Variants in WDR41 observed in about 807,000 individuals in gnomAD.
WDR41 encodes WD repeat-containing protein 41.
Under a neutral mutation model 69.3 loss-of-function variants are expected in WDR41, and 63 were observed. The ratio of observed to expected loss-of-function variants is 0.91; its 90% CI spans 0.74 to 1.12. The LOEUF (loss-of-function observed/expected upper bound fraction) is 1.12. WDR41 is among the 50% of genes most tolerant of loss of function. The probability of loss-of-function intolerance (pLI) is 0.00; values close to 1 mark genes in which losing one functional copy is unlikely to be tolerated. For synonymous variants in WDR41, 185 were observed against 192.1 expected (o/e 0.96, Z 0.31); for missense variants, 543 against 534.5 (o/e 1.02, Z -0.16).
chr5:77,442,675 G>A lies in WDR41; in HGVS notation c.698-1678C>T, dbSNP rs192607538. Among the ~76,000 whole-genome samples the A allele has an allele frequency of 4.5e-3, 685 of 151,874 alleles. 4 individuals carry two copies. Among genetic ancestry groups the A allele is most frequent in the South Asian group, 0.017 (82 of 4,824 alleles). On this transcript the variant is annotated intron_variant, in intron 8 of 12. Transcript: ENST00000296679. Reference sequence around the variant, plus strand: ...TGGGAGGCCGAGGCAGGTGGATCACGAGGTCTGGAGATCGAGACCATCCTG... The same window carrying A: ...TGGGAGGCCGAGGCAGGTGGATCACAAGGTCTGGAGATCGAGACCATCCTG...
intron 1 of WDR41, among the ~76,000 whole-genome samples, chr5:77,619,373 G>A (rs549752322): frequency 6.6e-6 from 1 of 152,088 alleles, no homozygotes; most frequent in Non-Finnish European, 1.5e-5. Flanking sequence ...AGAAACAAAA[G>A]TCCTGAATCT....
intron 1 of WDR41, among the ~76,000 whole-genome samples, chr5:77,544,078 A>C (rs999446590): frequency 6.6e-6 from 1 of 152,126 alleles, no homozygotes; most frequent in Non-Finnish European, 1.5e-5. Flanking sequence ...GAAAAGGTAC[A>C]GTCTTTCTCA....
intron 9 of WDR41, among the ~76,000 whole-genome samples, chr5:77,439,551 G>T (rs1446954921): frequency 1.3e-5 from 2 of 152,190 alleles, no homozygotes; most frequent in East Asian, 1.9e-4. Context: ...TCTGGGCACA[G>T]TTTAAGTAAT....
chr5:77,582,955 A>C (rs1381428538), intron 1 of WDR41: 3 of 1,608,588 alleles, frequency 1.9e-6, no homozygotes, highest in Non-Finnish European at 1.7e-6. Flanking sequence ...GATTCATGAG[A>C]TCTATACTGT....
At chr5:77,464,312 G>A (rs1181091576) in intron 3 of WDR41, among the ~76,000 whole-genome samples, 1 of 107,078 alleles carries the variant, frequency 9.3e-6, no homozygotes, top group African/African-American at 3.8e-5. Context: ...CAGTCTTGCT[G>A]TGTCACCCAG....
intron 1 of WDR41, among the ~76,000 whole-genome samples, chr5:77,568,871 C>T (rs938065303): frequency 9.2e-5 from 14 of 152,206 alleles, no homozygotes; most frequent in African/African-American, 1.9e-4. Flanking sequence ...CTACGTGTGC[C>T]GGATTTCTGT....
In WDR41 at chr5:77,486,822, T is replaced by C. The variant is rs1318228431; in HGVS notation, c.167+2635A>G. On this transcript the variant is annotated intron_variant, in intron 2 of 12. Coordinates refer to ENST00000296679, the MANE Select transcript of WDR41 (RefSeq NM_018268.4). ...CAGCTGAGCCTAGCCCGAATTGCCA[T>C]CCTGCAGAATAATGAGCTAAATAGA... is the stretch of plus-strand genomic sequence containing the variant. Among the ~76,000 whole-genome samples the C allele has an allele frequency of 1.1e-4, 16 of 152,200 alleles. 1 individual carries two copies. The highest frequency in any genetic ancestry group is 1.0e-3 in the Admixed American group (16 of 15,282).
intron 2 of WDR41, among the ~76,000 whole-genome samples, chr5:77,475,209 T>A (rs1360937906): frequency 2.0e-5 from 3 of 151,994 alleles, no homozygotes; most frequent in Admixed American, 2.0e-4. Context: ...CAGTCTGAGA[T>A]CAAACTGCAA....
intron 2 of WDR41, among the ~76,000 whole-genome samples, chr5:77,469,043 A>G (rs1800434274): frequency 6.6e-6 from 1 of 152,178 alleles, no homozygotes; most frequent in Non-Finnish European, 1.5e-5. Context: ...CATATACACC[A>G]TGGAATACTA....
At chr5:77,504,117 G>T (rs1019290999) in intron 1 of WDR41, among the ~76,000 whole-genome samples, 25 of 150,894 alleles carry the variant, frequency 1.7e-4, no homozygotes, top group African/African-American at 6.1e-4. Flanking sequence ...CAACAAAATT[G>T]ATAGACTGCT....
At chr5:77,510,007 T>A (rs1201122199) in intron 1 of WDR41, among the ~76,000 whole-genome samples, 1 of 152,052 alleles carries the variant, frequency 6.6e-6, no homozygotes, top group African/African-American at 2.4e-5. Context: ...CAGGTTTGGA[T>A]CCCCTCCCCC....
intron 2 of WDR41, among the ~76,000 whole-genome samples, chr5:77,467,169 T>C (rs1437994673): frequency 6.6e-6 from 1 of 151,898 alleles, no homozygotes; most frequent in Non-Finnish European, 1.5e-5. Context: ...AAAATGTCAA[T>C]AAAGTTTAAG....
At chr5:77,583,522 A>G (rs1743980790) in intron 1 of WDR41, among the ~76,000 whole-genome samples, 1 of 151,168 alleles carries the variant, frequency 6.6e-6, no homozygotes, top group Non-Finnish European at 1.5e-5. Context: ...AGAAAAAAGA[A>G]AAAAAAAAGC....
intron 2 of WDR41, among the ~76,000 whole-genome samples, chr5:77,478,162 C>G (rs937727679): frequency 5.3e-5 from 8 of 152,138 alleles, no homozygotes; most frequent in Non-Finnish European, 1.2e-4. Context: ...ATAACAGGAT[C>G]TGAAATTGTG....
chr5:77,583,747 C>A (rs976268424), intron 1 of WDR41, among the ~76,000 whole-genome samples: 3 of 152,102 alleles, frequency 2.0e-5, no homozygotes, highest in African/African-American at 2.4e-5. Context: ...TTCCTCTCTC[C>A]CAACTCATTT....
At chr5:77,514,226 C>T (rs1046354821) in intron 1 of WDR41, among the ~76,000 whole-genome samples, 16 of 152,040 alleles carry the variant, frequency 1.1e-4, no homozygotes, top group South Asian at 6.2e-4. Flanking sequence ...CACCTACATC[C>T]GCACATAATC....
At position 77,437,397 on chromosome 5, in the gene WDR41, G is replaced by C. The variant is rs1412254723; in HGVS notation, c.1032C>G (p.Gly344=). 4.3e-6 allele frequency: 7 copies of C among 1,613,836 alleles called. No individual in the cohort carries two copies. The South Asian group carries it at 7.7e-5, about 18-fold the overall frequency. ...NRQLISCSED[G]SVRIWELREK... ...CTCTTAACTCCCAAATGCGTACACT[G>C]CCATCTTCTGAGCATGAGATTAACT... is the stretch of plus-strand genomic sequence containing the variant. Residue 344 remains glycine (G), a synonymous_variant, in exon 11 of 13, where the codon GGC becomes GGG. Coordinates refer to ENST00000296679, the MANE Select transcript of WDR41 (RefSeq NM_018268.4).
In WDR41 at chr5:77,492,245, G is replaced by T. The variant is rs773872429; in HGVS notation, c.-25C>A. On this transcript the variant is annotated 5_prime_UTR_variant, in exon 1 of 13. Transcript: ENST00000296679. ...TCCGGGCAGCGGCGGCGTCTTGCCC[G>T]GTCCAGCCCCAGTCAGCCCAAACTC... 1 of 1,611,458 alleles carries T rather than the reference G, an allele frequency of 6.2e-7. No homozygotes were observed. The highest frequency in any genetic ancestry group is 1.3e-5 in the African/African-American group (1 of 74,878).
At chr5:77,466,056 T>C (rs1274022251) in intron 2 of WDR41, among the ~76,000 whole-genome samples, 4 of 151,980 alleles carry the variant, frequency 2.6e-5, no homozygotes, top group Admixed American at 6.6e-5. Flanking sequence ...AGACATGAAA[T>C]TGATCAAATA....
Sources: gnomAD v4.1 joint callset for allele counts (sites outside exome capture counted in the v4.1 genomes callset) on GRCh38, gnomAD v4.1.1 for gene constraint, MANE v1.5 for transcripts, NCBI Gene and HGNC (gene_info 2026-07-23, HGNC 2026-07-21) for gene names.